Variants in POR observed in about 807,000 individuals in gnomAD.
The protein encoded by POR is NADPH--cytochrome P450 reductase.
In POR, 56 loss-of-function variants were observed where a neutral mutation model predicts 84.0. The ratio of observed to expected loss-of-function variants is 0.67; its 90% confidence interval spans 0.54 to 0.83. POR has a LOEUF of 0.83. POR is among the 40% of genes least tolerant of loss of function. The pLI is 0.00. For synonymous variants in POR, 414 were observed against 400.5 expected (o/e 1.03, Z -0.40); for missense variants, 938 against 944.3 (o/e 0.99, Z 0.09).
rs782379018 is a variant in POR, at chr7:75,979,448, T to C, written c.238-3T>C. ...TCACCAACCCTGTGTCTGCCTTCCTTAGGGGAGGAACATCATCGTGTTCTA... is the reference window on the plus strand; with the variant it reads ...TCACCAACCCTGTGTCTGCCTTCCTCAGGGGAGGAACATCATCGTGTTCTA... On this transcript the variant is annotated splice_polypyrimidine_tract_variant and splice_region_variant and intron_variant, in intron 3 of 15. Transcript: ENST00000461988. The C allele has an allele frequency of 1.1e-5, 18 of 1,612,230 alleles. No individual in the cohort carries two copies. In the African/African-American group the frequency reaches 1.5e-4, roughly 13 times the overall value.
intron 6 of POR, 118 bp from the exon 7 acceptor site, chr7:75,981,399 C>G: frequency 8.1e-7 from 1 of 1,239,096 alleles, no homozygotes. Context: ...GCTGGGTGCC[C>G]CAGGGTGCAC....
At chr7:75,950,313 C>T (rs1787358430) in intron 1 of POR, among the ~76,000 whole-genome samples, 1 of 152,204 alleles carries the variant, frequency 6.6e-6, no homozygotes, top group African/African-American at 2.4e-5. Flanking sequence ...TAGAAACTGC[C>T]ATGAGTTATG....
chr7:75,942,505 T>C (rs533262734), intron 1 of POR, among the ~76,000 whole-genome samples: 4 of 150,654 alleles, frequency 2.7e-5, no homozygotes, highest in Non-Finnish European at 4.4e-5. Context: ...TTTGCATTAT[T>C]GCATTGCAGA....
intron 2 of POR, among the ~76,000 whole-genome samples, chr7:75,962,513 G>C (rs375377864): frequency 6.6e-6 from 1 of 152,148 alleles, no homozygotes; most frequent in African/African-American, 2.4e-5. Context: ...TGCCCAGGCT[G>C]GTCTTGTTCG....
At chr7:75,977,266 G>T (rs1454788819) in intron 3 of POR, among the ~76,000 whole-genome samples, 3 of 152,234 alleles carry the variant, frequency 2.0e-5, no homozygotes, top group Non-Finnish European at 2.9e-5. Context: ...CAGGTTACTG[G>T]AGGGGCTGAA....
At chr7:75,969,411 C>T (rs41296515) in intron 2 of POR, among the ~76,000 whole-genome samples, 1,972 of 152,310 alleles carry the variant, frequency 0.013, 32 homozygotes, top group African/African-American at 0.045. Context: ...GGATCCTCCT[C>T]GGAGGCTGTC....
Position 75,979,511 on chromosome 7 carries a change from C to T in POR, c.298C>T (p.Arg100Cys), listed in dbSNP as rs782334391. ...GGGGACTGCAGAGGAGTTTGCCAACCGCCTGTCCAAGGACGCCCACCGCTA... is the reference window on the plus strand; with the variant it reads ...GGGGACTGCAGAGGAGTTTGCCAACTGCCTGTCCAAGGACGCCCACCGCTA... Residue 100 changes from arginine to cysteine, a missense_variant, in exon 4 of 16, where the codon CGC (arginine) becomes TGC (cysteine). By Grantham distance (180) the Arg-to-Cys change is radical. Transcript: ENST00000461988. 10 of 1,613,470 alleles carry T rather than the reference C, an allele frequency of 6.2e-6. No individual in the cohort carries two copies. The highest frequency in any genetic ancestry group is 6.8e-6 in the Non-Finnish European group (8 of 1,179,824).
intron 3 of POR, among the ~76,000 whole-genome samples, chr7:75,973,277 G>C (rs1296404613): frequency 6.6e-6 from 1 of 152,114 alleles, no homozygotes; most frequent in Non-Finnish European, 1.5e-5. Flanking sequence ...GAACATACAA[G>C]TAAAACAAAC....
intron 2 of POR, among the ~76,000 whole-genome samples, chr7:75,960,017 T>C (rs1177635689): frequency 6.6e-6 from 1 of 151,974 alleles, no homozygotes; most frequent in Non-Finnish European, 1.5e-5. Flanking sequence ...CTGCCAGGTG[T>C]GGTGGCTCAC....
chr7:75,965,038 T>TA (rs11409081), intron 2 of POR, among the ~76,000 whole-genome samples: 60,318 of 151,492 alleles, frequency 0.4, 12,916 homozygotes, highest in African/African-American at 0.56. Flanking sequence ...AAAATCAATT[T>TA]AAAAAAATGA....
intron 1 of POR, chr7:75,923,535 C>T (rs1476905046): frequency 4.7e-6 from 2 of 429,664 alleles, no homozygotes; most frequent in East Asian, 9.4e-5. Flanking sequence ...TATCAAGTAT[C>T]TTCAGAGAAG....
intron 8 of POR, 53 bp downstream of exon 8, chr7:75,982,375 C>G (rs1203075514): frequency 1.4e-6 from 2 of 1,421,664 alleles, no homozygotes; most frequent in Non-Finnish European, 9.8e-7. Flanking sequence ...CACTGGTGCA[C>G]CCCAGGCTCA....
intron 1 of POR, among the ~76,000 whole-genome samples, chr7:75,938,848 G>A (rs1035914433): frequency 6.6e-6 from 1 of 152,112 alleles, no homozygotes; most frequent in Non-Finnish European, 1.5e-5. Flanking sequence ...CCCAGACCCC[G>A]AGTTTCTCGT....
rs782527248 is a variant in POR, at chr7:75,981,605, A to T, written c.730A>T (p.Ser244Cys). ...GGTGGAAGCCACTGGCGAGGAGTCC[A>T]GGTGAGCAAGTGCCCGCAGGTGCGG... Residue 244 changes from serine (S) to cysteine (C), a missense_variant and splice_region_variant, in exon 7 of 16, where the codon AGC becomes TGC. Transcript: ENST00000461988. The T allele has an allele frequency of 2.5e-6, 4 of 1,612,166 alleles. No homozygotes were observed. The highest frequency in any genetic ancestry group is 2.5e-6 in the Non-Finnish European group (3 of 1,179,358).
In POR at chr7:75,985,051, C is replaced by A. The variant is rs370400314; in HGVS notation, c.1249-7C>A. 6.3e-7 allele frequency: 1 copy of A among 1,593,058 alleles called. No homozygotes were observed. Among genetic ancestry groups the A allele is most frequent in the Admixed American group, 1.7e-5 (1 of 59,700 alleles). On this transcript the variant is annotated splice_polypyrimidine_tract_variant and splice_region_variant and intron_variant, in intron 11 of 15. Transcript: ENST00000461988. ...AATCAGCCCCATCTCACCCCCGTGT[C>A]TCTTAGGAGCTGTACCTGAGCTGGG...
chr7:75,939,195 G>A (rs958980412), intron 1 of POR, among the ~76,000 whole-genome samples: 9 of 152,202 alleles, frequency 5.9e-5, no homozygotes, highest in Non-Finnish European at 1.0e-4. Context: ...ACGCATGGAC[G>A]TAAGAGTGAC....
At chr7:75,974,121 C>A (rs1788565085) in intron 3 of POR, among the ~76,000 whole-genome samples, 1 of 152,164 alleles carries the variant, frequency 6.6e-6, no homozygotes, top group African/African-American at 2.4e-5. Context: ...ACGCACTTAA[C>A]CCTGTCCTAT....
intron 1 of POR, among the ~76,000 whole-genome samples, chr7:75,942,001 T>G (rs1315042362): frequency 2.0e-5 from 3 of 152,090 alleles, no homozygotes; most frequent in African/African-American, 7.2e-5. Context: ...GGAGGATCGC[T>G]TGAGTCCAGG....
At chr7:75,976,662 G>T (rs1161085548) in intron 3 of POR, among the ~76,000 whole-genome samples, 1 of 143,862 alleles carries the variant, frequency 7.0e-6, no homozygotes, top group Admixed American at 6.9e-5. Context: ...CAGGAAAATC[G>T]CTTGAACCCA....
Sources: allele counts gnomAD v4.1 joint callset (sites outside exome capture counted in the v4.1 genomes callset), GRCh38; gene constraint gnomAD v4.1.1; transcripts MANE v1.5; gene names NCBI Gene and HGNC (gene_info 2026-07-23, HGNC 2026-07-21).